RFX8: variants seen among roughly 807,000 people sequenced by gnomAD.
RFX8 encodes the protein DNA-binding protein RFX8.
A neutral mutation model predicts 54.6 loss-of-function variants in RFX8; 46 were observed. The ratio of observed to expected loss-of-function variants is 0.84; its 90% CI spans 0.67 to 1.08. The LOEUF is 1.08. Among genes scored for constraint, RFX8 ranks in the 50% least tolerant of loss-of-function variants. RFX8 has a pLI of 0.00. For synonymous variants in RFX8, 192 were observed against 209.5 expected (o/e 0.92, Z 0.72); for missense variants, 536 against 562.3 (o/e 0.95, Z 0.47).
In RFX8 at chr2:101,474,296, G is replaced by A. The variant is rs529277011; in HGVS notation, c.-53+340C>T. 8.3e-4 allele frequency: 408 copies of A among 493,486 alleles called. 2 individuals carry two copies. Among genetic ancestry groups the A allele is most frequent in the African/African-American group, 7.6e-3 (372 of 49,012 alleles). 30.6% of individuals were successfully genotyped at this position (493,486 alleles called of 1,614,324 possible). ...GCCATGGCTCGGCCCCGGGCCTGCA[G>A]CACCGAGGCAGGCAGCGAGCGGCGG... On this transcript the variant is annotated intron_variant, in intron 1 of 11. Coordinates refer to ENST00000428343, the MANE Select transcript of RFX8 (RefSeq NM_001145664.2).
intron 2 of RFX8, among the ~76,000 whole-genome samples, chr2:101,437,014 G>A (rs1325144303): frequency 6.6e-6 from 1 of 152,160 alleles, no homozygotes; most frequent in East Asian, 1.9e-4. Flanking sequence ...CCAAGAAATG[G>A]GCAGGAAAGG....
At chr2:101,413,312 A>G (rs1686266046) in intron 7 of RFX8, among the ~76,000 whole-genome samples, 1 of 152,172 alleles carries the variant, frequency 6.6e-6, no homozygotes, top group Admixed American at 6.5e-5. Flanking sequence ...GCTGTCTGGC[A>G]CTGCTGCTGC....
intron 2 of RFX8, among the ~76,000 whole-genome samples, chr2:101,448,092 C>A (rs1027654722): frequency 6.6e-6 from 1 of 152,110 alleles, no homozygotes; most frequent in Non-Finnish European, 1.5e-5. Flanking sequence ...GGCTTCATGG[C>A]CTAATCATCT....
chr2:101,428,219 C>A (rs779846123), intron 2 of RFX8, among the ~76,000 whole-genome samples: 21 of 152,112 alleles, frequency 1.4e-4, no homozygotes, highest in Non-Finnish European at 3.1e-4. Flanking sequence ...CTTGAACCAG[C>A]CTGGGCAACA....
chr2:101,460,407 C>T (rs899852088), intron 2 of RFX8, among the ~76,000 whole-genome samples: 4 of 151,808 alleles, frequency 2.6e-5, no homozygotes, highest in African/African-American at 9.7e-5. Flanking sequence ...TTTTTATTAT[C>T]CATTTGTTTG....
intron 1 of RFX8, among the ~76,000 whole-genome samples, chr2:101,472,080 A>G (rs1275196183): frequency 6.6e-6 from 1 of 152,146 alleles, no homozygotes; most frequent in South Asian, 2.1e-4. Context: ...TAAAACCACT[A>G]GTACCAACGA....
chr2:101,402,624 G>C lies in RFX8; in HGVS notation c.1057C>G (p.Leu353Val). Residue 353 changes from leucine to valine, a missense_variant, in exon 11 of 12, where the codon CTC becomes GTC. Leu to Val is a conservative substitution (Grantham distance 32). Transcript: ENST00000428343. ...AAAAGTGCCTGGTCTGGCTGGCCGA[G>C]AGTCGGGTCATCTGGTAGCATTTCC... Reference protein sequence around the residue: ...VKEMLPDDPTLGQPDQALFHS... With the variant: ...VKEMLPDDPTVGQPDQALFHS... 1.3e-6 allele frequency: 2 copies of C among 1,552,570 alleles called. No individual in the cohort carries two copies. Among genetic ancestry groups the C allele is most frequent in the Non-Finnish European group, 1.7e-6 (2 of 1,147,344 alleles).
chr2:101,402,470 A>G lies in RFX8; in HGVS notation c.1211T>C (p.Leu404Pro). The G allele has an allele frequency of 3.2e-6, 5 of 1,550,788 alleles. No individual in the cohort carries two copies. The highest frequency in any genetic ancestry group is 4.4e-6 in the Non-Finnish European group (5 of 1,146,128). The change falls in exon 11 of 12, where the codon CTG (leucine) becomes CCG (proline). Residue 404 changes from leucine (L) to proline (P), a missense_variant. Physicochemically the swap from Leu to Pro is moderately conservative, Grantham distance 98. Transcript: ENST00000428343. The part of the protein sequence containing the change: ...VGVSNMVLRI[L>P]GFLVDTAMGN... ...CATGGCAGTGTCCACCAGGAAGCCC[A>G]GGATCCTGAGGACCATGTTGCTCAC...
intron 2 of RFX8, among the ~76,000 whole-genome samples, chr2:101,441,302 T>C (rs929420312): frequency 1.3e-5 from 2 of 152,094 alleles, no homozygotes; most frequent in African/African-American, 4.8e-5. Context: ...AATGTGGCAG[T>C]ATTGAGAGGT....
chr2:101,413,089 G>C lies in RFX8; in HGVS notation c.562-18C>G. On this transcript the variant is annotated intron_variant, in intron 7 of 11. Coordinates refer to ENST00000428343, the MANE Select transcript of RFX8 (RefSeq NM_001145664.2). ...CGCATAGTCTAAAGATAACAGGGAG[G>C]CATAATACTTAATTCAATCTGGTCA... The C allele has an allele frequency of 1.3e-6, 2 of 1,543,110 alleles. No homozygotes were observed. Among genetic ancestry groups the C allele is most frequent in the East Asian group, 2.4e-5 (1 of 40,840 alleles).
chr2:101,466,835 T>C lies in RFX8; in HGVS notation c.14A>G (p.Tyr5Cys), dbSNP rs1391317055. Residue 5 changes from tyrosine to cysteine, a missense_variant, in exon 2 of 12, where the codon TAC (tyrosine) becomes TGC (cysteine). Transcript: ENST00000428343. Reference sequence around the variant, plus strand: ...AGTGTTTTGCCCACAGGTCTCCACGTAAATCTCATACATGAGACAGCGAGG... The same window carrying C: ...AGTGTTTTGCCCACAGGTCTCCACGCAAATCTCATACATGAGACAGCGAGG... MYEI[Y>C]VETCGQNTEN... 6.4e-7 allele frequency: 1 copy of C among 1,551,350 alleles called. No homozygotes were observed. The highest frequency in any genetic ancestry group is 1.4e-5 in the African/African-American group (1 of 73,026).
intron 10 of RFX8, 24 bp downstream of exon 10, chr2:101,405,919 A>G (rs1241615297): frequency 7.1e-7 from 1 of 1,400,386 alleles, no homozygotes; most frequent in African/African-American, 1.4e-5. Flanking sequence ...AGAATACAAA[A>G]TACTTTCTTA....
intron 2 of RFX8, among the ~76,000 whole-genome samples, chr2:101,427,223 A>G (rs1023473590): frequency 1.3e-5 from 2 of 152,182 alleles, no homozygotes; most frequent in African/African-American, 2.4e-5. Context: ...GAACCTATGA[A>G]TATGTTCCCT....
At chr2:101,433,779 G>A (rs1229526782) in intron 2 of RFX8, among the ~76,000 whole-genome samples, 2 of 152,128 alleles carry the variant, frequency 1.3e-5, no homozygotes, top group South Asian at 2.1e-4. Flanking sequence ...TACTTGTTCC[G>A]TGTCAGATTT....
intron 2 of RFX8, among the ~76,000 whole-genome samples, chr2:101,436,888 T>C (rs1259458390): frequency 6.6e-6 from 1 of 152,100 alleles, no homozygotes; most frequent in African/African-American, 2.4e-5. Flanking sequence ...GAAAAGCAAC[T>C]GTGTGCACAG....
rs1207045591 is a variant in RFX8, at chr2:101,402,628, C to T, written c.1053G>A (p.Pro351=). The part of the protein sequence containing the change: ...GTVKEMLPDD[P]TLGQPDQALF... The stretch of plus-strand genomic sequence containing the variant: ...GTGCCTGGTCTGGCTGGCCGAGAGT[C>T]GGGTCATCTGGTAGCATTTCCTTGA... The change falls in exon 11 of 12, where the codon CCG becomes CCA. Residue 351 remains proline, a synonymous_variant. Transcript: ENST00000428343. The T allele has an allele frequency of 7.1e-6, 11 of 1,552,680 alleles. No individual in the cohort carries two copies. Among genetic ancestry groups the T allele is most frequent in the Middle Eastern group, 1.7e-4 (1 of 6,018 alleles).
At chr2:101,454,858 T>C (rs1330353923) in intron 2 of RFX8, among the ~76,000 whole-genome samples, 1 of 152,218 alleles carries the variant, frequency 6.6e-6, no homozygotes, top group East Asian at 1.9e-4. Flanking sequence ...GCTTGTTCAC[T>C]CTGATGATAG....
In RFX8 at chr2:101,438,006, T is replaced by C. The variant is rs573224114; in HGVS notation, c.73-15534A>G. ...TCCACTCAGCAAAATTCCCTGGAGATTCATTCAAGTTGTGTGTCAATAGTT... is the reference window on the plus strand; with the variant it reads ...TCCACTCAGCAAAATTCCCTGGAGACTCATTCAAGTTGTGTGTCAATAGTT... On this transcript the variant is annotated intron_variant, in intron 2 of 11. Transcript: ENST00000428343. Among the ~76,000 whole-genome samples the C allele has an allele frequency of 3.3e-5, 5 of 150,632 alleles. No individual in the cohort carries two copies. The South Asian group carries it at 1.1e-3, about 32-fold the overall frequency.
intron 1 of RFX8, among the ~76,000 whole-genome samples, chr2:101,473,923 GC>G (rs997917444): frequency 3.9e-5 from 6 of 152,212 alleles, no homozygotes; most frequent in Non-Finnish European, 8.8e-5. Context: ...TCCCCGCGGG[GC>G]AGACCGGATG....
Sources: gnomAD v4.1 joint callset for allele counts (sites outside exome capture counted in the v4.1 genomes callset) on GRCh38, gnomAD v4.1.1 for gene constraint, MANE v1.5 for transcripts, NCBI Gene and HGNC (gene_info 2026-07-23, HGNC 2026-07-21) for gene names.